ADAMTS17: variants seen among roughly 807,000 people sequenced by gnomAD.
ADAMTS17 encodes the protein ADAM metallopeptidase with thrombospondin type 1 motif 17, also known as A disintegrin and metalloproteinase with thrombospondin motifs 17.
Under a neutral mutation model 141.5 loss-of-function variants are expected in ADAMTS17, and 113 were observed. That is an observed-to-expected ratio of 0.80 (90% CI 0.69 to 0.93). The LOEUF (loss-of-function observed/expected upper bound fraction) is 0.93. ADAMTS17 is among the 40% of genes least tolerant of loss of function. The pLI is 0.00. For missense variants in ADAMTS17, 1,659 were observed against 1,517.9 expected (o/e 1.09, Z -1.54); for synonymous variants, 768 against 630.6 (o/e 1.22, Z -3.27).
intron 7 of ADAMTS17, among the ~76,000 whole-genome samples, chr15:100,231,033 G>A (rs2042465207): frequency 6.6e-6 from 1 of 152,226 alleles, no homozygotes; most frequent in African/African-American, 2.4e-5. Flanking sequence ...AAAAGGAATT[G>A]TGAAGTTGGC....
At chr15:100,057,598 C>CT (rs1244039157) in intron 15 of ADAMTS17, among the ~76,000 whole-genome samples, 5 of 152,300 alleles carry the variant, frequency 3.3e-5, no homozygotes, top group African/African-American at 1.2e-4. Flanking sequence ...GCATCTGTTT[C>CT]TCCCTTTAAG....
intron 18 of ADAMTS17, among the ~76,000 whole-genome samples, chr15:100,021,393 G>C (rs1295151276): frequency 6.6e-6 from 1 of 152,106 alleles, no homozygotes; most frequent in East Asian, 1.9e-4. Flanking sequence ...CACCACGAAG[G>C]ATCTCAAATC....
chr15:99,982,254 C>T (rs1336129028), intron 20 of ADAMTS17, among the ~76,000 whole-genome samples: 1 of 152,214 alleles, frequency 6.6e-6, no homozygotes, highest in Admixed American at 6.5e-5. Context: ...GCTCCTGCAG[C>T]CCAGCAAGGC....
intron 18 of ADAMTS17, among the ~76,000 whole-genome samples, chr15:100,030,764 A>G (rs1175798289): frequency 6.6e-6 from 1 of 152,210 alleles, no homozygotes; most frequent in Non-Finnish European, 1.5e-5. Context: ...AAGAAGGGGA[A>G]TGTTAGTATA....
intron 15 of ADAMTS17, among the ~76,000 whole-genome samples, chr15:100,094,419 T>C (rs1222031993): frequency 6.6e-6 from 1 of 152,252 alleles, no homozygotes. Context: ...AGGACATTAC[T>C]GTGGCCAGAT....
chr15:100,334,468 GT>G (rs2046147929), intron 2 of ADAMTS17, among the ~76,000 whole-genome samples: 4 of 152,168 alleles, frequency 2.6e-5, no homozygotes, highest in Admixed American at 2.6e-4. Flanking sequence ...GGGGTGGTGA[GT>G]TTGCTTCCTG....
At chr15:100,052,496 C>G (rs188843341) in intron 16 of ADAMTS17, among the ~76,000 whole-genome samples, 1 of 152,324 alleles carries the variant, frequency 6.6e-6, no homozygotes, top group East Asian at 1.9e-4. Context: ...TGAATGAATC[C>G]AGGCTGGGGA....
rs1317408003 is a variant in ADAMTS17 at position 99,976,234 on chromosome 15, G to A, written c.2950-12C>T. On this transcript the variant is annotated splice_polypyrimidine_tract_variant and intron_variant, in intron 20 of 21. Coordinates refer to ENST00000268070, the MANE Select transcript of ADAMTS17 (RefSeq NM_139057.4). Reference sequence around the variant, plus strand: ...CAGGTCGACGAGCACTGCAGAGACAGGACAGCCTGAGTGGGGCTGACATGA... The same window carrying A: ...CAGGTCGACGAGCACTGCAGAGACAAGACAGCCTGAGTGGGGCTGACATGA... The A allele has an allele frequency of 7.1e-6, 11 of 1,541,756 alleles. No homozygotes were observed. The highest frequency in any genetic ancestry group is 1.7e-4 in the Middle Eastern group (1 of 5,956).
chr15:100,293,089 G>A (rs1268552664), intron 3 of ADAMTS17, among the ~76,000 whole-genome samples: 2 of 152,196 alleles, frequency 1.3e-5, no homozygotes, highest in African/African-American at 4.8e-5. Flanking sequence ...CTCATCAAAG[G>A]GAATTCCAGA....
intron 8 of ADAMTS17, among the ~76,000 whole-genome samples, chr15:100,196,132 C>T (rs1157017331): frequency 2.6e-5 from 4 of 152,274 alleles, no homozygotes; most frequent in South Asian, 4.1e-4. Context: ...ATTGACATTA[C>T]CATGGCAAGA....
At chr15:100,203,149 A>C (rs570348445) in intron 7 of ADAMTS17, among the ~76,000 whole-genome samples, 20 of 152,246 alleles carry the variant, frequency 1.3e-4, no homozygotes, top group African/African-American at 4.8e-4. Flanking sequence ...ATAGATGGGG[A>C]AACAGAGGCT....
At chr15:100,300,270 C>A (rs1004369876) in intron 3 of ADAMTS17, among the ~76,000 whole-genome samples, 1 of 152,144 alleles carries the variant, frequency 6.6e-6, no homozygotes, top group African/African-American at 2.4e-5. Context: ...AGTGCTCAAC[C>A]AACCAACCAT....
At chr15:100,228,461 A>G (rs2042376618) in intron 7 of ADAMTS17, among the ~76,000 whole-genome samples, 1 of 152,214 alleles carries the variant, frequency 6.6e-6, no homozygotes, top group Non-Finnish European at 1.5e-5. Context: ...GCTCATGAAC[A>G]CTGCTGAATT....
At chr15:100,042,155 G>A (rs547753453) in intron 18 of ADAMTS17, among the ~76,000 whole-genome samples, 1 of 152,214 alleles carries the variant, frequency 6.6e-6, no homozygotes, top group African/African-American at 2.4e-5. Flanking sequence ...TTACTTGTGT[G>A]TCCAATCTCC....
At chr15:99,991,684 A>T (rs2060693256) in intron 20 of ADAMTS17, among the ~76,000 whole-genome samples, 2 of 152,232 alleles carry the variant, frequency 1.3e-5, no homozygotes, top group Non-Finnish European at 2.9e-5. Flanking sequence ...ATATACCCAA[A>T]GGATTATAAA....
chr15:100,058,964 T>C (rs973325769), intron 15 of ADAMTS17, among the ~76,000 whole-genome samples: 3 of 151,950 alleles, frequency 2.0e-5, no homozygotes, highest in African/African-American at 7.3e-5. Flanking sequence ...CTGGGGAAAA[T>C]AGCCTAGAGT....
At chr15:100,316,360 GA>G (rs1300923346) in intron 3 of ADAMTS17, among the ~76,000 whole-genome samples, 2 of 152,204 alleles carry the variant, frequency 1.3e-5, no homozygotes, top group Non-Finnish European at 2.9e-5. Context: ...GAGCATCTCA[GA>G]AATTTGGGAG....
intron 3 of ADAMTS17, among the ~76,000 whole-genome samples, chr15:100,325,497 C>T (rs1448415797): frequency 6.6e-6 from 1 of 152,138 alleles, no homozygotes; most frequent in South Asian, 2.1e-4. Context: ...GTGTCCCCTC[C>T]AGATCTCATA....
At chr15:100,154,952 G>A (rs973043411) in intron 9 of ADAMTS17, among the ~76,000 whole-genome samples, 1 of 152,178 alleles carries the variant, frequency 6.6e-6, no homozygotes, top group Admixed American at 6.5e-5. Context: ...TGAGTCGATC[G>A]GCAATTACGT....
Sources: allele counts gnomAD v4.1 joint callset (sites outside exome capture counted in the v4.1 genomes callset), GRCh38; gene constraint gnomAD v4.1.1; transcripts MANE v1.5; gene names NCBI Gene and HGNC (gene_info 2026-07-23, HGNC 2026-07-21).